Variants in UNC13C observed in about 807,000 individuals in gnomAD.
The protein encoded by UNC13C is unc-13 homolog C.
In UNC13C, 174 loss-of-function variants were observed where a neutral mutation model predicts 245.4. That is an observed-to-expected ratio of 0.71 (90% confidence interval 0.63 to 0.80). The LOEUF is 0.80. UNC13C is among the 30% of genes least tolerant of loss of function. UNC13C has a pLI of 0.00. For synonymous variants in UNC13C, 992 were observed against 895.1 expected (o/e 1.11, Z -1.93); for missense variants, 2,829 against 2,602.9 (o/e 1.09, Z -1.89).
chr15:54,338,331 T>C (rs371611791), intron 16 of UNC13C, 30 bp from the exon 17 acceptor site: 11 of 1,598,286 alleles, frequency 6.9e-6, no homozygotes, highest in African/African-American at 4.1e-5. Context: ...CACTGTTGCA[T>C]TTGAGAAAAT....
intron 4 of UNC13C, among the ~76,000 whole-genome samples, chr15:54,174,368 A>T (rs1187804879): frequency 1.3e-5 from 2 of 152,182 alleles, no homozygotes; most frequent in African/African-American, 2.4e-5. Flanking sequence ...GTTTTCTTCC[A>T]GTAGTGAGCT....
chr15:54,407,237 T>C (rs753681887), intron 18 of UNC13C, among the ~76,000 whole-genome samples: 3 of 152,026 alleles, frequency 2.0e-5, no homozygotes, highest in Non-Finnish European at 4.4e-5. Context: ...AACTAATTGA[T>C]TAGTGCAATT....
chr15:54,059,196 T>C (rs36130143), intron 2 of UNC13C, among the ~76,000 whole-genome samples: 55,702 of 127,722 alleles, frequency 0.44, 12,539 homozygotes, highest in Middle Eastern at 0.55. Flanking sequence ...GAGGACATGA[T>C]TGTTTATCGA....
intron 19 of UNC13C, among the ~76,000 whole-genome samples, chr15:54,462,239 T>G (rs1891887758): frequency 6.6e-6 from 1 of 152,222 alleles, no homozygotes; most frequent in Non-Finnish European, 1.5e-5. Context: ...GGACTATTTA[T>G]AGAGAAAATG....
chr15:53,925,939 A>G, the UNC13C span, among the ~76,000 whole-genome samples: 1 of 152,276 alleles, frequency 6.6e-6, no homozygotes, highest in African/African-American at 2.4e-5. Flanking sequence ...TGACTCCAAG[A>G]ACTTTGTTCC....
At chr15:54,377,088 A>G (rs1412391288) in intron 17 of UNC13C, among the ~76,000 whole-genome samples, 1 of 152,208 alleles carries the variant, frequency 6.6e-6, no homozygotes, top group Admixed American at 6.5e-5. Context: ...AGCAGCCGTC[A>G]GGTGCTAGGA....
chr15:54,172,960 A>G (rs1414549435), intron 4 of UNC13C, among the ~76,000 whole-genome samples: 3 of 151,460 alleles, frequency 2.0e-5, no homozygotes, highest in Non-Finnish European at 3.0e-5. Context: ...ATGAACATAC[A>G]GCTGTTCCAG....
chr15:54,024,060 A>G (rs972551711), intron 2 of UNC13C, among the ~76,000 whole-genome samples: 5 of 152,220 alleles, frequency 3.3e-5, no homozygotes, highest in Admixed American at 3.3e-4. Context: ...CTAATCAATT[A>G]TGATGAATTA....
intron 10 of UNC13C, among the ~76,000 whole-genome samples, chr15:54,289,158 G>T (rs2037226756): frequency 6.6e-6 from 1 of 151,948 alleles, no homozygotes; most frequent in South Asian, 2.1e-4. Flanking sequence ...AATTTATATT[G>T]CAGGACACTA....
At chr15:53,996,682 C>A (rs1894648666) in intron 1 of UNC13C, among the ~76,000 whole-genome samples, 1 of 152,062 alleles carries the variant, frequency 6.6e-6, no homozygotes, top group South Asian at 2.1e-4. Context: ...ATAAATTATT[C>A]TTGCTTTGAA....
intron 30 of UNC13C, among the ~76,000 whole-genome samples, chr15:54,591,108 A>G (rs1898761803): frequency 6.6e-6 from 1 of 152,098 alleles, no homozygotes; most frequent in Non-Finnish European, 1.5e-5. Context: ...TGACTTGTGT[A>G]TGTTACACTA....
At chr15:54,563,936 C>A (rs1897398397) in intron 29 of UNC13C, among the ~76,000 whole-genome samples, 2 of 151,978 alleles carry the variant, frequency 1.3e-5, no homozygotes, top group Admixed American at 1.3e-4. Flanking sequence ...ATTATCTGTG[C>A]CAGTAAGGTA....
At chr15:54,551,041 A>C (rs1896713700) in intron 28 of UNC13C, among the ~76,000 whole-genome samples, 1 of 152,140 alleles carries the variant, frequency 6.6e-6, no homozygotes, top group African/African-American at 2.4e-5. Context: ...ATGGAAAGCC[A>C]AACATAAGCA....
chr15:54,494,085 C>G (rs1301341565), intron 19 of UNC13C, among the ~76,000 whole-genome samples: 2 of 152,046 alleles, frequency 1.3e-5, no homozygotes, highest in South Asian at 2.1e-4. Flanking sequence ...GAAATGTGAT[C>G]TACTCACTTC....
chr15:54,236,156 A>G (rs1212740634), intron 5 of UNC13C, among the ~76,000 whole-genome samples: 2 of 152,200 alleles, frequency 1.3e-5, no homozygotes, highest in Non-Finnish European at 2.9e-5. Flanking sequence ...TCTTTCAGCA[A>G]CAACGTACAT....
the UNC13C span, among the ~76,000 whole-genome samples, chr15:53,845,914 C>CT: frequency 1.2e-4 from 18 of 151,308 alleles, no homozygotes; most frequent in South Asian, 2.1e-4. Flanking sequence ...ACTTACTTCT[C>CT]TTTTTTTTTA....
rs186847669 is a variant in UNC13C at position 53,990,588 on chromosome 15, C to T, written c.-257+11661C>T. 3.5e-3 allele frequency among the ~76,000 whole-genome samples: 538 copies of T among 151,926 alleles called. 3 individuals are homozygous for T. The highest frequency in any genetic ancestry group is 0.017 in the Middle Eastern group (5 of 294). On this transcript the variant is annotated intron_variant, in intron 1 of 32. Transcript: ENST00000260323. ...TGCACAGATCTTTCCTATCTCAAAC[C>T]CCCTTCCAAAACCTAAAAAATTTCT...
the UNC13C span, among the ~76,000 whole-genome samples, chr15:53,866,496 T>G: frequency 1.3e-5 from 2 of 152,208 alleles, no homozygotes; most frequent in East Asian, 3.9e-4. Context: ...TTTATACCAA[T>G]GCGTTTTAAA....
At chr15:53,985,209 G>A (rs1296179088) in intron 1 of UNC13C, among the ~76,000 whole-genome samples, 2 of 151,764 alleles carry the variant, frequency 1.3e-5, no homozygotes, top group South Asian at 2.1e-4. Flanking sequence ...TTGGTTTTCT[G>A]TTCCTGTGTT....
Sources: allele counts gnomAD v4.1 joint callset (sites outside exome capture counted in the v4.1 genomes callset), GRCh38; gene constraint gnomAD v4.1.1; transcripts MANE v1.5; gene names NCBI Gene and HGNC (gene_info 2026-07-23, HGNC 2026-07-21).